GON4L: variants seen among roughly 807,000 people sequenced by gnomAD.
GON4L encodes GON-4-like protein.
In GON4L, 87 loss-of-function variants were observed where a neutral mutation model predicts 211.8. That is an observed-to-expected ratio of 0.41 (90% confidence interval 0.35 to 0.49). The LOEUF (loss-of-function observed/expected upper bound fraction) is 0.49, where lower values mean the gene tolerates loss of function less well. GON4L is among the 20% of genes least tolerant of loss of function. GON4L has a pLI of 0.15. For synonymous variants in GON4L, 875 were observed against 962.6 expected (o/e 0.91, Z 1.68); for missense variants, 2,155 against 2,659.5 (o/e 0.81, Z 4.17).
rs368634028 is a variant in GON4L at position 155,813,739 on chromosome 1, C to G, written c.1347G>C (p.Pro449=). Reference sequence around the variant, plus strand: ...TGGTCTGTTTCGGCTTTGGAGGGGGCGGGGGCCCCATGGGCACTACCTCAG... The same window carrying G: ...TGGTCTGTTTCGGCTTTGGAGGGGGGGGGGGCCCCATGGGCACTACCTCAG... ...ISAEVVPMGP[P]PPPKPKQTRD... Residue 449 remains proline, a synonymous_variant, in exon 10 of 32, where the codon CCG becomes CCC. Transcript: ENST00000368331. 1 of 1,612,842 alleles carries G rather than the reference C, an allele frequency of 6.2e-7. No individual in the cohort carries two copies. Among genetic ancestry groups the G allele is most frequent in the East Asian group, 2.2e-5 (1 of 44,858 alleles).
intron 2 of GON4L, 34 bp downstream of exon 2, chr1:155,853,242 C>T (rs41264979): frequency 5.7e-6 from 9 of 1,577,818 alleles, no homozygotes; most frequent in Non-Finnish European, 7.8e-6. Flanking sequence ...GTGGTATTGA[C>T]AAGAATGTAA....
chr1:155,792,799 C>T (rs189481097), intron 12 of GON4L, among the ~76,000 whole-genome samples: 12 of 152,264 alleles, frequency 7.9e-5, no homozygotes, highest in Admixed American at 7.9e-4. Flanking sequence ...TGCTCTGACC[C>T]AGGCTGGAGT....
Position 155,811,617 on chromosome 1 carries a change from T to C in GON4L, c.1452+2017A>G, listed in dbSNP as rs560416601. Among the ~76,000 whole-genome samples the C allele has an allele frequency of 1.5e-3, 218 of 149,334 alleles. 1 individual carries two copies. The highest frequency in any genetic ancestry group is 5.1e-3 in the African/African-American group (208 of 40,736). ...CTAAAAATACAAAAAATTAGCTGGGTGTGGTGTCAGTCACCTGTAATCCCA... is the reference window on the plus strand; with the variant it reads ...CTAAAAATACAAAAAATTAGCTGGGCGTGGTGTCAGTCACCTGTAATCCCA... On this transcript the variant is annotated intron_variant, in intron 10 of 31. Transcript: ENST00000368331.
At chr1:155,787,768 C>A (rs1219050249) in intron 12 of GON4L, among the ~76,000 whole-genome samples, 1 of 151,174 alleles carries the variant, frequency 6.6e-6, no homozygotes, top group Non-Finnish European at 1.5e-5. Context: ...GCGAGGACTC[C>A]ATCTCAAAAA....
intron 10 of GON4L, among the ~76,000 whole-genome samples, chr1:155,810,574 G>A (rs1227059631): frequency 6.6e-6 from 1 of 151,890 alleles, no homozygotes; most frequent in Non-Finnish European, 1.5e-5. Context: ...CGGGCATGGT[G>A]TGCACGCCTG....
intron 3 of GON4L, among the ~76,000 whole-genome samples, chr1:155,822,721 T>C (rs949619768): frequency 3.3e-5 from 5 of 152,208 alleles, no homozygotes; most frequent in Non-Finnish European, 5.9e-5. Context: ...AAAGGGGAAT[T>C]AGGCAACTTT....
intron 3 of GON4L, among the ~76,000 whole-genome samples, chr1:155,826,540 TGG>T (rs1183860548): frequency 7.2e-6 from 1 of 138,534 alleles, no homozygotes; most frequent in Non-Finnish European, 1.5e-5. Flanking sequence ...TACTTCAGCC[TGG>T]GCGACAAGAA....
At chr1:155,794,747 T>C (rs914556869) in intron 12 of GON4L, among the ~76,000 whole-genome samples, 2 of 152,194 alleles carry the variant, frequency 1.3e-5, no homozygotes, top group Admixed American at 1.3e-4. Context: ...ATTGTAACTT[T>C]TTCTGTTTCT....
intron 31 of GON4L, 112 bp from the exon 32 acceptor site, chr1:155,750,845 C>T: frequency 1.0e-6 from 1 of 993,526 alleles, no homozygotes; most frequent in South Asian, 1.4e-5. Flanking sequence ...CTTACTGCAA[C>T]CTCCGTCTCC....
At chr1:155,771,042 G>T in intron 19 of GON4L, 25 bp downstream of exon 19, 1 of 1,614,086 alleles carries the variant, frequency 6.2e-7, no homozygotes, top group South Asian at 1.1e-5. Flanking sequence ...GAGGTGCCCG[G>T]ATGGCGCATG....
intron 14 of GON4L, among the ~76,000 whole-genome samples, chr1:155,778,250 T>G (rs527843007): frequency 6.6e-6 from 1 of 152,184 alleles, no homozygotes; most frequent in Non-Finnish European, 1.5e-5. Context: ...CATTTTTTTT[T>G]CAAAATTTAA....
intron 3 of GON4L, among the ~76,000 whole-genome samples, chr1:155,825,581 A>C (rs1476418270): frequency 1.3e-5 from 2 of 149,086 alleles, no homozygotes; most frequent in African/African-American, 4.9e-5. Context: ...CAAAACAAAA[A>C]AAAAAAAAAT....
intron 2 of GON4L, among the ~76,000 whole-genome samples, chr1:155,838,268 A>G (rs1670483932): frequency 6.6e-6 from 1 of 152,180 alleles, no homozygotes. Flanking sequence ...AAAATTAATT[A>G]ATTAAATTAA....
intron 11 of GON4L, among the ~76,000 whole-genome samples, chr1:155,796,640 G>A (rs141416440): frequency 1.5e-3 from 235 of 152,114 alleles, no homozygotes; most frequent in African/African-American, 5.6e-3. Flanking sequence ...TTATGAAGGA[G>A]TCATTAAATT....
rs1571642503 is a variant in GON4L at position 155,762,341 on chromosome 1, T to C, written c.4760A>G (p.Asn1587Ser). 2 of 1,612,586 alleles carry C rather than the reference T, an allele frequency of 1.2e-6. No individual in the cohort carries two copies. The highest frequency in any genetic ancestry group is 8.5e-7 in the Non-Finnish European group (1 of 1,178,662). ...ESIKAAGKGR[N>S]NHRARNKRGS... is the part of the protein sequence containing the mutation. The stretch of plus-strand genomic sequence containing the variant: ...CCGCTTGTTGCGAGCTCGATGATTG[T>C]TCCGGCCTTTTCCAGCAGCTTTGAT... The change falls in exon 23 of 32, where the codon AAC becomes AGC. Residue 1587 changes from asparagine to serine, a missense_variant. Asn to Ser is a conservative substitution (Grantham distance 46). Transcript: ENST00000368331.
In GON4L at chr1:155,777,620, A is replaced by T; in HGVS notation, c.2091+2T>A. 2 of 1,608,704 alleles carry T rather than the reference A, an allele frequency of 1.2e-6. No individual in the cohort carries two copies. The highest frequency in any genetic ancestry group is 1.7e-6 in the Non-Finnish European group (2 of 1,175,132). The stretch of plus-strand genomic sequence containing the variant: ...TGTTAACATGACCAAGAAAAGTCCT[A>T]CCTGCTGCATCTGCTGCTGGAGTCT... On this transcript the variant is annotated splice_donor_variant, in intron 15 of 31. Coordinates refer to ENST00000368331, the MANE Select transcript of GON4L (RefSeq NM_001282860.2). LOFTEE classifies it high-confidence loss of function.
chr1:155,765,636 T>C lies in GON4L; in HGVS notation c.3837A>G (p.Gln1279=). 1 of 1,614,236 alleles carries C rather than the reference T, an allele frequency of 6.2e-7. No individual in the cohort carries two copies. Among genetic ancestry groups the C allele is most frequent in the Non-Finnish European group, 8.5e-7 (1 of 1,180,038 alleles). The stretch of plus-strand genomic sequence containing the variant: ...AGGCACTATTCTCTGACAATCCTTC[T>C]TGGCACTCTGCATCTGCTAGTGGAG... ...PGPPLADAEC[Q]EGLSENSACR... is the part of the protein sequence containing the mutation. The change falls in exon 21 of 32, where the codon CAA becomes CAG. Residue 1279 remains glutamine, a synonymous_variant. Transcript: ENST00000368331.
intron 12 of GON4L, among the ~76,000 whole-genome samples, chr1:155,785,825 G>T (rs925429685): frequency 6.6e-6 from 1 of 152,144 alleles, no homozygotes; most frequent in African/African-American, 2.4e-5. Context: ...GGCCGGGAGC[G>T]GTGGCTCATG....
chr1:155,826,662 A>G (rs1669244743), intron 3 of GON4L, among the ~76,000 whole-genome samples, 175 bp downstream of exon 3: 2 of 152,032 alleles, frequency 1.3e-5, no homozygotes, highest in Non-Finnish European at 2.9e-5. Context: ...GGAAGACAAG[A>G]TGGACTTCTG....
Sources: gnomAD v4.1 joint callset for allele counts (sites outside exome capture counted in the v4.1 genomes callset) on GRCh38, gnomAD v4.1.1 for gene constraint, MANE v1.5 for transcripts, NCBI Gene and HGNC (gene_info 2026-07-23, HGNC 2026-07-21) for gene names.